The following IGDCC4 variants were observed in gnomAD, a reference collection of about 807,000 sequenced individuals.
IGDCC4 encodes the protein immunoglobulin superfamily DCC subclass member 4.
A neutral mutation model predicts 116.6 loss-of-function variants in IGDCC4; 72 were observed. The observed-to-expected ratio is 0.62, with a 90% confidence interval of 0.51 to 0.75. The LOEUF is 0.75. IGDCC4 is among the 30% of genes least tolerant of loss of function. IGDCC4 has a pLI of 0.00. For synonymous variants in IGDCC4, 709 were observed against 719.9 expected (o/e 0.98, Z 0.24); for missense variants, 1,501 against 1,662.4 (o/e 0.90, Z 1.69).
At chr15:65,400,694 A>G (rs2062975710) in intron 5 of IGDCC4, 112 bp downstream of exon 5, 2 of 1,358,010 alleles carry the variant, frequency 1.5e-6, no homozygotes, top group Admixed American at 4.9e-5. Flanking sequence ...GTGCCACACC[A>G]GAAGGTTCGT....
At chr15:65,396,640 C>T (rs1047500018) in intron 6 of IGDCC4, among the ~76,000 whole-genome samples, 194 bp downstream of exon 6, 12 of 152,148 alleles carry the variant, frequency 7.9e-5, no homozygotes, top group Non-Finnish European at 1.8e-4. Context: ...CCAGACTCAA[C>T]GCCCCGCACT....
At chr15:65,385,784 C>A (rs1198049400) in intron 18 of IGDCC4, 47 bp downstream of exon 18, 2 of 1,467,754 alleles carry the variant, frequency 1.4e-6, no homozygotes, top group South Asian at 2.3e-5. Flanking sequence ...CTGTCGCCCC[C>A]TGGTGTCCTA....
At chr15:65,414,524 T>TG (rs2063125740) in intron 1 of IGDCC4, among the ~76,000 whole-genome samples, 1 of 152,236 alleles carries the variant, frequency 6.6e-6, no homozygotes, top group Non-Finnish European at 1.5e-5. Context: ...TTAACTTTTC[T>TG]GGGACTCAGT....
At chr15:65,390,739 A>C (rs2091506601) in intron 12 of IGDCC4, among the ~76,000 whole-genome samples, 1 of 152,206 alleles carries the variant, frequency 6.6e-6, no homozygotes, top group Non-Finnish European at 1.5e-5. Context: ...ATGAGGATTA[A>C]ATTATTTAAT....
At chr15:65,418,625 C>T (rs981917558) in intron 1 of IGDCC4, among the ~76,000 whole-genome samples, 1 of 151,996 alleles carries the variant, frequency 6.6e-6, no homozygotes, top group African/African-American at 2.4e-5. Context: ...TGTCAGGCTC[C>T]AAAACATACT....
In IGDCC4 at chr15:65,382,406, TAAAAAAAAA is replaced by T. The variant is rs754941677; in HGVS notation, c.*1594_*1602del. On this transcript the variant is annotated 3_prime_UTR_variant, in exon 20 of 20. Transcript: ENST00000352385. ...CTGTGCTGAGAGACATTCCACCATT[TAAAAAAAAA>T]AAAAAAAAAAAGGAAAAATGGACTG... The T allele has an allele frequency of 8.0e-6, 1 of 124,884 alleles. No individual in the cohort carries two copies. The highest frequency in any genetic ancestry group is 8.2e-5 in the Admixed American group (1 of 12,142). 7.7% of individuals were successfully genotyped at this position (124,884 alleles called of 1,614,324 possible). A position where few individuals can be genotyped will look rare whatever the true frequency, so the allele number is the denominator to read the frequency against.
rs2091420008 is a variant in IGDCC4, at chr15:65,383,394, T to G, written c.*615A>C. The G allele has an allele frequency of 6.6e-6, 1 of 152,130 alleles. No individual in the cohort carries two copies. 9.4% of individuals were successfully genotyped at this position (152,130 alleles called of 1,614,324 possible). A position where few individuals can be genotyped will look rare whatever the true frequency, so the allele number is the denominator to read the frequency against. On this transcript the variant is annotated 3_prime_UTR_variant, in exon 20 of 20. Transcript: ENST00000352385. ...GAGGGGAAGAGTGAGAGAAAGCGGA[T>G]TTTCAAAACCAGGCACTTCCCAGAT... is the stretch of plus-strand genomic sequence containing the variant.
chr15:65,387,033 T>A (rs1363144000), intron 16 of IGDCC4, among the ~76,000 whole-genome samples: 2 of 152,068 alleles, frequency 1.3e-5, no homozygotes, highest in Non-Finnish European at 2.9e-5. Context: ...AAATTCTAAT[T>A]TTTTTTCTTT....
intron 1 of IGDCC4, among the ~76,000 whole-genome samples, chr15:65,413,730 G>A (rs1313878983): frequency 2.6e-5 from 4 of 152,210 alleles, no homozygotes; most frequent in African/African-American, 9.6e-5. Flanking sequence ...AGGAACCAGG[G>A]CCAGAGGTCA....
chr15:65,421,074 C>T (rs2063185444), intron 1 of IGDCC4, among the ~76,000 whole-genome samples: 1 of 152,190 alleles, frequency 6.6e-6, no homozygotes, highest in African/African-American at 2.4e-5. Context: ...GAGTGTCCCC[C>T]GGCCTGCTGA....
At chr15:65,394,865 G>A (rs1423789993) in intron 8 of IGDCC4, among the ~76,000 whole-genome samples, 4 of 152,112 alleles carry the variant, frequency 2.6e-5, no homozygotes. Context: ...CACAGACCTG[G>A]GCTTAAGTCC....
In IGDCC4 at chr15:65,393,650, C is replaced by A. The variant is rs957277173; in HGVS notation, c.1715-119G>T. On this transcript the variant is annotated intron_variant, in intron 9 of 19. Coordinates refer to ENST00000352385, the MANE Select transcript of IGDCC4 (RefSeq NM_020962.3). This position sits in a 1 kb window ranked among gnomAD's most constrained non-coding sequence, Gnocchi z 4.6. ...CCTCCGTGCCCGTGGGAGCCTGAGG[C>A]GTTCTCAGCACTGACCCCTCAGTGC... is the stretch of plus-strand genomic sequence containing the variant. 11 of 1,046,880 alleles carry A rather than the reference C, an allele frequency of 1.1e-5. No individual in the cohort carries two copies. In the East Asian group the frequency reaches 2.3e-4, roughly 22 times the overall value. The allele number at this position is 1,046,880 out of a possible 1,614,324, so 64.8% of individuals were successfully genotyped here. A position where few individuals can be genotyped will look rare whatever the true frequency, so the allele number is the denominator to read the frequency against.
intron 5 of IGDCC4, among the ~76,000 whole-genome samples, chr15:65,397,755 C>G (rs2062941810): frequency 6.6e-6 from 1 of 151,990 alleles, no homozygotes; most frequent in African/African-American, 2.4e-5. Flanking sequence ...AATTGCAATG[C>G]TGGAGAAAGG....
chr15:65,392,863 C>T (rs2062880672), intron 10 of IGDCC4, among the ~76,000 whole-genome samples: 2 of 152,064 alleles, frequency 1.3e-5, no homozygotes, highest in African/African-American at 4.8e-5. Flanking sequence ...ATAACTTTAT[C>T]CTTGCAACCC....
chr15:65,386,746 C>A lies in IGDCC4; in HGVS notation c.2846-90G>T. ...GACTATCCATGGCTTTCTCAGGAGA[C>A]ACCAGCTGGACCCTCACCCTTCAGA... On this transcript the variant is annotated intron_variant, in intron 16 of 19. Coordinates refer to ENST00000352385, the MANE Select transcript of IGDCC4 (RefSeq NM_020962.3). 8.5e-6 allele frequency: 8 copies of A among 943,712 alleles called. 1 individual carries two copies. The South Asian group carries it at 1.2e-4, about 15-fold the overall frequency. The allele number at this position is 943,712 out of a possible 1,614,324, so 58.5% of individuals were successfully genotyped here.
intron 1 of IGDCC4, among the ~76,000 whole-genome samples, chr15:65,413,850 C>G (rs1486524711): frequency 6.6e-6 from 1 of 152,242 alleles, no homozygotes; most frequent in African/African-American, 2.4e-5. Context: ...CTAGATCCAG[C>G]TCCATCACAG....
Position 65,391,930 on chromosome 15 carries a change from T to A in IGDCC4, c.2174A>T (p.Asp725Val). ...GCCCTTCCACACTGCTGCATAGCCA[T>A]CCTCATGTTTGTTGAAAGCCACGAG... ...VKLVAFNKHE[D>V]GYAAVWKGKT... Residue 725 changes from aspartate (D) to valine (V), a missense_variant, in exon 12 of 20, where the codon GAT becomes GTT. Transcript: ENST00000352385. 6.2e-7 allele frequency: 1 copy of A among 1,613,650 alleles called. No homozygotes were observed. The highest frequency in any genetic ancestry group is 8.5e-7 in the Non-Finnish European group (1 of 1,179,866).
At position 65,385,107 on chromosome 15, in the gene IGDCC4, C is replaced by A. The variant is rs2091441504; in HGVS notation, c.3189G>T (p.Trp1063Cys). The change falls in exon 19 of 20, where the codon TGG becomes TGT. Residue 1063 changes from tryptophan (W) to cysteine (C), a missense_variant. Physicochemically the swap from Trp to Cys is radical, Grantham distance 215 (BLOSUM62 -2). This residue lies in a region of IGDCC4 where 368 missense variants were observed against 355.6 expected (regional missense o/e 1.03). Transcript: ENST00000352385. ...GRSHSKRKIS[W>C]AQPSGLSWAG... ...CCCAGCTCAGCCCGCTTGGTTGAGC[C>A]CAGGAGATCTGCACGGGGGAAAGAA... is the stretch of plus-strand genomic sequence containing the variant. 6.3e-7 allele frequency: 1 copy of A among 1,594,378 alleles called. No individual in the cohort carries two copies. The highest frequency in any genetic ancestry group is 1.4e-5 in the African/African-American group (1 of 74,050).
Position 65,388,895 on chromosome 15 carries a change from G to T in IGDCC4, c.2620C>A (p.Pro874Thr). The change falls in exon 15 of 20, where the codon CCC becomes ACC. Residue 874 changes from proline (P) to threonine (T), a missense_variant. By Grantham distance (38) the Pro-to-Thr change is conservative. Transcript: ENST00000352385. ...AGATACTCCACGATCTCCCCGTTGG[G>T]CTCTGTGGGGGGGCACCAGTGCAGC... ...VRLHWCPPTE[P>T]NGEIVEYLIL... 1 of 1,613,946 alleles carries T rather than the reference G, an allele frequency of 6.2e-7. No individual in the cohort carries two copies. Among genetic ancestry groups the T allele is most frequent in the Non-Finnish European group, 8.5e-7 (1 of 1,179,984 alleles).
Sources: gnomAD v4.1 joint callset for allele counts (sites outside exome capture counted in the v4.1 genomes callset) on GRCh38, gnomAD v4.1.1 for gene constraint, gnomAD v4.1.1 regional missense constraint, Gnocchi (gnomAD v3.1) non-coding constraint, MANE v1.5 for transcripts, NCBI Gene and HGNC (gene_info 2026-07-23, HGNC 2026-07-21) for gene names.